Variants in ST6GALNAC3 observed in about 807,000 individuals in gnomAD.
ST6GALNAC3 encodes alpha-N-acetylgalactosaminide alpha-2,6-sialyltransferase 3.
In ST6GALNAC3, 25 loss-of-function variants were observed where a neutral mutation model predicts 32.7. The observed-to-expected ratio is 0.76, with a 90% CI of 0.56 to 1.07. The LOEUF (loss-of-function observed/expected upper bound fraction) is 1.07, where lower values mean the gene tolerates loss of function less well. Ranked by LOEUF, ST6GALNAC3 falls within the 50% of genes least tolerant of loss-of-function variation. The probability of loss-of-function intolerance (pLI) is 0.00; values close to 1 mark genes in which losing one functional copy is unlikely to be tolerated. For missense variants in ST6GALNAC3, 355 were observed against 382.4 expected (o/e 0.93, Z 0.60); for synonymous variants, 129 against 133.1 (o/e 0.97, Z 0.21).
chr1:76,101,457 G>A (rs1647224071), intron 1 of ST6GALNAC3, among the ~76,000 whole-genome samples: 1 of 152,074 alleles, frequency 6.6e-6, no homozygotes, highest in Non-Finnish European at 1.5e-5. Flanking sequence ...TATAAGTACA[G>A]TTTCTGTATT....
At chr1:76,132,361 G>A (rs1039014672) in intron 1 of ST6GALNAC3, among the ~76,000 whole-genome samples, 26 of 152,072 alleles carry the variant, frequency 1.7e-4, no homozygotes, top group Admixed American at 4.6e-4. Flanking sequence ...GAGGAGGGGG[G>A]AGTATCTGAA....
intron 1 of ST6GALNAC3, among the ~76,000 whole-genome samples, chr1:76,169,030 G>A (rs1043977974): frequency 1.3e-5 from 2 of 152,224 alleles, no homozygotes; most frequent in East Asian, 3.9e-4. Context: ...ACTTGTTTAT[G>A]TGATTGTTTT....
At chr1:76,165,718 C>T (rs540663874) in intron 1 of ST6GALNAC3, among the ~76,000 whole-genome samples, 3 of 152,186 alleles carry the variant, frequency 2.0e-5, no homozygotes, top group East Asian at 3.9e-4. Context: ...TTCTGACTGG[C>T]GTGAGATGGC....
intron 1 of ST6GALNAC3, among the ~76,000 whole-genome samples, chr1:76,171,734 A>G (rs989713335): frequency 4.6e-5 from 7 of 151,816 alleles, no homozygotes; most frequent in Non-Finnish European, 8.8e-5. Flanking sequence ...CCAAGACTAA[A>G]CCAGGAAAAA....
chr1:76,174,689 T>C (rs981354196), intron 1 of ST6GALNAC3, among the ~76,000 whole-genome samples: 2 of 148,432 alleles, frequency 1.3e-5, no homozygotes, highest in Non-Finnish European at 3.0e-5. Flanking sequence ...TTTTTTGAGA[T>C]GGAGTCTCTC....
rs796808315 is a variant in ST6GALNAC3 at position 76,248,823 on chromosome 1, G to A, written c.19-64982G>A. Among the ~76,000 whole-genome samples, 14 of 149,002 alleles carry A rather than the reference G, an allele frequency of 9.4e-5. 1 individual carries two copies. Among genetic ancestry groups the A allele is most frequent in the African/African-American group, 3.2e-4 (13 of 40,382 alleles). ...TCTTTCTTTTCCTTTGTTTGTTCACGTGACAGAGGTGGAAAGAGGATGACA... is the reference window on the plus strand; with the variant it reads ...TCTTTCTTTTCCTTTGTTTGTTCACATGACAGAGGTGGAAAGAGGATGACA... On this transcript the variant is annotated intron_variant, in intron 1 of 4. Transcript: ENST00000328299.
intron 2 of ST6GALNAC3, among the ~76,000 whole-genome samples, chr1:76,322,003 G>A (rs1570814663): frequency 1.3e-5 from 2 of 152,144 alleles, no homozygotes; most frequent in East Asian, 3.9e-4. Flanking sequence ...TCCTCAGGAA[G>A]ATATACCGCA....
At chr1:76,130,672 A>C (rs187539946) in intron 1 of ST6GALNAC3, among the ~76,000 whole-genome samples, 63 of 152,348 alleles carry the variant, frequency 4.1e-4, no homozygotes, top group Admixed American at 1.4e-3. Flanking sequence ...GACCCAAGTA[A>C]GGATGAGCAC....
intron 1 of ST6GALNAC3, among the ~76,000 whole-genome samples, chr1:76,277,098 G>T (rs1415222285): frequency 6.6e-6 from 1 of 151,926 alleles, no homozygotes; most frequent in Non-Finnish European, 1.5e-5. Flanking sequence ...CTCCCAATTT[G>T]CAATGTACAT....
chr1:76,241,040 T>C (rs957835123), intron 1 of ST6GALNAC3, among the ~76,000 whole-genome samples: 1 of 152,242 alleles, frequency 6.6e-6, no homozygotes, highest in African/African-American at 2.4e-5. Context: ...TTAGTTGAGC[T>C]ATTTAACTTC....
At chr1:76,084,056 C>T (rs1646934063) in intron 1 of ST6GALNAC3, among the ~76,000 whole-genome samples, 1 of 152,218 alleles carries the variant, frequency 6.6e-6, no homozygotes, top group South Asian at 2.1e-4. Context: ...TCAAAAGCCA[C>T]ATGTGGCTAG....
Position 76,365,587 on chromosome 1 carries a change from C to T in ST6GALNAC3, c.214-46421C>T, listed in dbSNP as rs139250903. Among the ~76,000 whole-genome samples the T allele has an allele frequency of 1.2e-4, 18 of 152,170 alleles. No homozygotes were observed. The South Asian group carries it at 3.1e-3, about 26-fold the overall frequency. On this transcript the variant is annotated intron_variant, in intron 2 of 4. Transcript: ENST00000328299. ...TTTTCTGTGTTGTTTTAAATAATTCCGTGATCTAAGTATCTGATGCAGAGA... is the reference window on the plus strand; with the variant it reads ...TTTTCTGTGTTGTTTTAAATAATTCTGTGATCTAAGTATCTGATGCAGAGA...
chr1:76,301,835 A>G (rs762929305), intron 1 of ST6GALNAC3, among the ~76,000 whole-genome samples: 2 of 148,508 alleles, frequency 1.3e-5, no homozygotes, highest in Non-Finnish European at 3.0e-5. Context: ...TCAAAAAAAG[A>G]AGTTTTTTTT....
At chr1:76,627,112 G>C (rs780298288) in intron 3 of ST6GALNAC3, among the ~76,000 whole-genome samples, 9 of 151,884 alleles carry the variant, frequency 5.9e-5, no homozygotes, top group Non-Finnish European at 1.2e-4. Context: ...TCCTCTGATA[G>C]ACAGGACTAA....
intron 2 of ST6GALNAC3, among the ~76,000 whole-genome samples, chr1:76,382,974 T>A (rs1294446661): frequency 6.6e-6 from 1 of 152,026 alleles, no homozygotes; most frequent in Non-Finnish European, 1.5e-5. Flanking sequence ...ACGAAACTGC[T>A]GAAAACCTAA....
chr1:76,625,406 T>G (rs540367963), intron 3 of ST6GALNAC3, among the ~76,000 whole-genome samples: 40 of 151,846 alleles, frequency 2.6e-4, no homozygotes, highest in African/African-American at 7.7e-4. Context: ...TCTCTATGAG[T>G]GCTTGGTCAG....
At position 76,630,088 on chromosome 1, in the gene ST6GALNAC3, T is replaced by A. The variant is rs2100736537; in HGVS notation, c.*1282T>A. The A allele has an allele frequency of 1.0e-6, 1 of 985,270 alleles. No homozygotes were observed. Among genetic ancestry groups the A allele is most frequent in the Non-Finnish European group, 1.2e-6 (1 of 829,840 alleles). The allele number at this position is 985,270 out of a possible 1,614,324, so 61.0% of individuals were successfully genotyped here. ...GAACACCCCATTGGGCTATTGTCTG[T>A]GTATTCTGCTCTCTTTAGCAGATGA... On this transcript the variant is annotated 3_prime_UTR_variant, in exon 5 of 5. Transcript: ENST00000328299.
At chr1:76,477,397 G>A (rs1202037210) in intron 3 of ST6GALNAC3, among the ~76,000 whole-genome samples, 1 of 152,140 alleles carries the variant, frequency 6.6e-6, no homozygotes, top group African/African-American at 2.4e-5. Flanking sequence ...CCCTAAACAG[G>A]TCTTCTGTGA....
At chr1:76,228,122 G>T (rs1656176526) in intron 1 of ST6GALNAC3, among the ~76,000 whole-genome samples, 2 of 152,174 alleles carry the variant, frequency 1.3e-5, no homozygotes, top group Admixed American at 1.3e-4. Context: ...AAATACGTCT[G>T]CTCTAGACTA....
Sources: gnomAD v4.1 joint callset for allele counts (sites outside exome capture counted in the v4.1 genomes callset) on GRCh38, gnomAD v4.1.1 for gene constraint, MANE v1.5 for transcripts, NCBI Gene and HGNC (gene_info 2026-07-23, HGNC 2026-07-21) for gene names.